C1QTNF3: variants seen among roughly 807,000 people sequenced by gnomAD.
The protein encoded by C1QTNF3 is complement C1q tumor necrosis factor-related protein 3.
Under a neutral mutation model 32.6 loss-of-function variants are expected in C1QTNF3, and 26 were observed. The ratio of observed to expected loss-of-function variants is 0.80; its 90% confidence interval spans 0.58 to 1.11. The LOEUF is 1.11. Among genes scored for constraint, C1QTNF3 ranks in the 50% least tolerant of loss-of-function variants. C1QTNF3 has a pLI of 0.00. For missense variants in C1QTNF3, 362 were observed against 398.2 expected (o/e 0.91, Z 0.77); for synonymous variants, 155 against 146.0 (o/e 1.06, Z -0.44).
At chr5:34,081,306 A>G in the C1QTNF3 span, among the ~76,000 whole-genome samples, 3 of 151,700 alleles carry the variant, frequency 2.0e-5, no homozygotes, top group Non-Finnish European at 4.4e-5. Flanking sequence ...TGATTCTATT[A>G]TAATAATAAT....
chr5:34,069,128 T>C, the C1QTNF3 span, among the ~76,000 whole-genome samples: 3 of 145,266 alleles, frequency 2.1e-5, no homozygotes, highest in South Asian at 4.6e-4. Flanking sequence ...GCTCCATAAC[T>C]GCCTACTTTC....
chr5:34,205,312 T>C, the C1QTNF3 span, among the ~76,000 whole-genome samples: 1 of 152,210 alleles, frequency 6.6e-6, no homozygotes, highest in Non-Finnish European at 1.5e-5. Flanking sequence ...AGAACCCATG[T>C]TTAGCTTAAT....
chr5:34,212,437 CA>C, the C1QTNF3 span, among the ~76,000 whole-genome samples: 2 of 151,816 alleles, frequency 1.3e-5, no homozygotes, highest in Non-Finnish European at 2.9e-5. Flanking sequence ...TTCTGCACAG[CA>C]AAAGAAACTA....
chr5:34,141,412 C>T, the C1QTNF3 span, among the ~76,000 whole-genome samples: 6 of 152,148 alleles, frequency 3.9e-5, no homozygotes, highest in African/African-American at 1.4e-4. Flanking sequence ...GCCACCGCGC[C>T]GGGCCCGGGG....
the C1QTNF3 span, among the ~76,000 whole-genome samples, chr5:34,065,871 T>C: frequency 1.3e-5 from 2 of 152,088 alleles, no homozygotes; most frequent in Non-Finnish European, 2.9e-5. Flanking sequence ...CAAAAAGACA[T>C]GTGGACTCAT....
At chr5:34,196,148 T>C in the C1QTNF3 span, among the ~76,000 whole-genome samples, 1 of 152,306 alleles carries the variant, frequency 6.6e-6, no homozygotes, top group African/African-American at 2.4e-5. Flanking sequence ...TTTTGTTTGT[T>C]TGCTTTTGTT....
the C1QTNF3 span, among the ~76,000 whole-genome samples, chr5:34,096,337 CTACAAAAGG>C: frequency 1.4e-5 from 2 of 146,764 alleles, no homozygotes; most frequent in Non-Finnish European, 3.0e-5. Flanking sequence ...ATAGCTGATG[CTACAAAAGG>C]ATATCACTAA....
the C1QTNF3 span, among the ~76,000 whole-genome samples, chr5:34,144,903 G>A: frequency 6.6e-6 from 1 of 152,160 alleles, no homozygotes; most frequent in South Asian, 2.1e-4. Context: ...GCTGAGGCAG[G>A]TGGATCACGA....
At chr5:34,123,115 G>T in the C1QTNF3 span, among the ~76,000 whole-genome samples, 18 of 152,204 alleles carry the variant, frequency 1.2e-4, no homozygotes, top group African/African-American at 3.9e-4. Context: ...GAGAGAGCTA[G>T]AAGGTCCAGG....
At chr5:34,231,956 CA>C in the C1QTNF3 span, among the ~76,000 whole-genome samples, 1 of 140,248 alleles carries the variant, frequency 7.1e-6, no homozygotes, top group African/African-American at 2.7e-5. Context: ...AAGTCACAGG[CA>C]CTCAATCCTA....
chr5:34,117,245 T>A, the C1QTNF3 span, among the ~76,000 whole-genome samples: 2 of 152,202 alleles, frequency 1.3e-5, no homozygotes, highest in South Asian at 4.1e-4. Context: ...CTTAATTCTT[T>A]TAGTGATTTT....
chr5:34,177,872 T>G, the C1QTNF3 span, among the ~76,000 whole-genome samples: 6 of 151,976 alleles, frequency 3.9e-5, no homozygotes, highest in African/African-American at 7.2e-5. Flanking sequence ...ATCCTCTGAC[T>G]TCGGTCTCCC....
the C1QTNF3 span, among the ~76,000 whole-genome samples, chr5:34,227,993 T>C: frequency 2.3e-4 from 35 of 150,898 alleles, no homozygotes; most frequent in Admixed American, 2.2e-3. Context: ...TTTTTTTTTT[T>C]CAGCCTGGGG....
At chr5:34,175,619 G>A in the C1QTNF3 span, 1 of 485,018 alleles carries the variant, frequency 2.1e-6, no homozygotes, top group Admixed American at 3.3e-5. Flanking sequence ...TTGACCGTAT[G>A]TGGGAAGCGG....
chr5:34,118,345 C>G, the C1QTNF3 span, among the ~76,000 whole-genome samples: 10 of 152,310 alleles, frequency 6.6e-5, no homozygotes, highest in East Asian at 5.8e-4. Flanking sequence ...TCCCAAAGTG[C>G]TGGGATTACA....
chr5:34,240,576 T>C, the C1QTNF3 span, among the ~76,000 whole-genome samples: 1 of 151,556 alleles, frequency 6.6e-6, no homozygotes, highest in South Asian at 2.1e-4. Flanking sequence ...ATCAGGAAGA[T>C]ACTGAAATAC....
the C1QTNF3 span, among the ~76,000 whole-genome samples, chr5:34,101,078 TTC>T: frequency 6.6e-6 from 1 of 151,758 alleles, no homozygotes; most frequent in African/African-American, 2.4e-5. Context: ...AGTTTGACAA[TTC>T]TCTTTTTTAA....
chr5:34,142,991 C>G, the C1QTNF3 span, among the ~76,000 whole-genome samples: 1 of 152,104 alleles, frequency 6.6e-6, no homozygotes. Flanking sequence ...GAAAGCACAT[C>G]AAGACTTAGG....
the C1QTNF3 span, among the ~76,000 whole-genome samples, chr5:34,158,926 G>A: frequency 6.6e-6 from 1 of 151,606 alleles, no homozygotes; most frequent in Non-Finnish European, 1.5e-5. Context: ...ACTGAAGTGA[G>A]GGATTTAGGA....
Sources: allele counts gnomAD v4.1 joint callset (sites outside exome capture counted in the v4.1 genomes callset), GRCh38; gene constraint gnomAD v4.1.1; transcripts MANE v1.5; gene names NCBI Gene and HGNC (gene_info 2026-07-23, HGNC 2026-07-21).